The following FABP1 variants were observed in gnomAD, a reference collection of about 807,000 sequenced individuals.
FABP1 encodes the protein fatty acid binding protein 1, also known as fatty acid-binding protein, liver.
A neutral mutation model predicts 13.7 loss-of-function variants in FABP1; 13 were observed. The observed-to-expected ratio is 0.95, with a 90% CI of 0.62 to 1.51. The LOEUF (loss-of-function observed/expected upper bound fraction) is 1.51, where lower values mean the gene tolerates loss of function less well. FABP1 is among the 40% of genes most tolerant of loss of function. The pLI is 0.00. For missense variants in FABP1, 140 were observed against 155.7 expected (o/e 0.90, Z 0.54); for synonymous variants, 48 against 59.8 (o/e 0.80, Z 0.91).
At position 88,126,199 on chromosome 2, in the gene FABP1, T is replaced by A. The variant is rs1675293165; in HGVS notation, c.217A>T (p.Thr73Ser). The A allele has an allele frequency of 6.2e-7, 1 of 1,609,272 alleles. No homozygotes were observed. The highest frequency in any genetic ancestry group is 8.5e-7 in the Non-Finnish European group (1 of 1,176,254). Reference protein sequence around the residue: ...FTVGEECELETMTGEKVKTVV... With the variant: ...FTVGEECELESMTGEKVKTVV... ...ACCTTGACTTTCTCCCCTGTCATTG[T>A]CTCCAGCTCACATTCCTCCCCCACC... is the stretch of plus-strand genomic sequence containing the variant. The change falls in exon 2 of 4, where the codon ACA (threonine) becomes TCA (serine). Residue 73 changes from threonine to serine, a missense_variant. Physicochemically the swap from Thr to Ser is moderately conservative, Grantham distance 58 (BLOSUM62 1). Coordinates refer to ENST00000295834, the MANE Select transcript of FABP1 (RefSeq NM_001443.3).
At position 88,127,968 on chromosome 2, in the gene FABP1, G is replaced by A; in HGVS notation, c.50C>T (p.Ala17Val). ...YQLQSQENFE[A>V]FMKAIGLPEE... Reference sequence around the variant, plus strand: ...GCACTCACCGATTGCCTTCATGAAGGCTTCAAAGTTTTCCTGGCTCTGCAG... The same window carrying A: ...GCACTCACCGATTGCCTTCATGAAGACTTCAAAGTTTTCCTGGCTCTGCAG... Residue 17 changes from alanine to valine, a missense_variant, in exon 1 of 4, where the codon GCC (alanine) becomes GTC (valine). By Grantham distance (64) the Ala-to-Val change is moderately conservative. Coordinates refer to ENST00000295834, the MANE Select transcript of FABP1 (RefSeq NM_001443.3). The A allele has an allele frequency of 2.5e-6, 4 of 1,614,206 alleles. No homozygotes were observed. The highest frequency in any genetic ancestry group is 3.4e-6 in the Non-Finnish European group (4 of 1,180,038).
rs1477307340 is a variant in FABP1, at chr2:88,125,334, A to C, written c.241-748T>G. 2.0e-5 allele frequency among the ~76,000 whole-genome samples: 3 copies of C among 152,328 alleles called. No homozygotes were observed. The East Asian group carries it at 5.8e-4, about 29-fold the overall frequency. On this transcript the variant is annotated intron_variant, in intron 2 of 3. Transcript: ENST00000295834. ...TCCTCCTAAAATCATCCTGACCTGTAATGTTCTAATTGGAGAGGCAGAAAT... is the reference window on the plus strand; with the variant it reads ...TCCTCCTAAAATCATCCTGACCTGTCATGTTCTAATTGGAGAGGCAGAAAT...
Position 88,128,043 on chromosome 2 carries a change from G to T in FABP1, c.-26C>A. On this transcript the variant is annotated 5_prime_UTR_variant, in exon 1 of 4. Transcript: ENST00000295834. ...GGTGGCAATAGAGCTCCCTCTTCAC[G>T]ACTGACCTGCGGCTCTGCCGACCAG... is the stretch of plus-strand genomic sequence containing the variant. 1 of 1,611,538 alleles carries T rather than the reference G, an allele frequency of 6.2e-7. No homozygotes were observed. The highest frequency in any genetic ancestry group is 8.5e-7 in the Non-Finnish European group (1 of 1,177,710).
At chr2:88,127,765 G>A (rs1188213631) in intron 1 of FABP1, among the ~76,000 whole-genome samples, 186 bp downstream of exon 1, 3 of 152,134 alleles carry the variant, frequency 2.0e-5, no homozygotes, top group African/African-American at 4.8e-5. Context: ...CTTGCCTATG[G>A]GGTGGCCTTG....
intron 1 of FABP1, chr2:88,126,587 C>T (rs1026256729): frequency 6.9e-6 from 3 of 436,566 alleles, no homozygotes; most frequent in African/African-American, 3.9e-5. Context: ...AAAGGACACT[C>T]TTCTGGCCTG....
At chr2:88,126,506 G>A (rs28452712) in intron 1 of FABP1, 158 bp from the exon 2 acceptor site, 17,952 of 696,004 alleles carry the variant, frequency 0.026, 1,672 homozygotes, top group African/African-American at 0.23. Context: ...CAGCAGCATC[G>A]GCTGTGGCCT....
intron 3 of FABP1, chr2:88,123,376 T>C (rs78572065): frequency 2.2e-6 from 1 of 458,668 alleles, no homozygotes; most frequent in Non-Finnish European, 3.9e-6. Flanking sequence ...ATGACTGTTA[T>C]AGCAAGACCA....
chr2:88,127,886 A>G (rs748868551), intron 1 of FABP1, 65 bp downstream of exon 1: 5 of 1,517,540 alleles, frequency 3.3e-6, no homozygotes, highest in Non-Finnish European at 3.7e-6. Context: ...CTAAATAGCC[A>G]CTGCTGGTAG....
Position 88,123,027 on chromosome 2 carries a change from C to T in FABP1, c.*27G>A. 1 of 1,579,694 alleles carries T rather than the reference C, an allele frequency of 6.3e-7. No homozygotes were observed. Among genetic ancestry groups the T allele is most frequent in the Non-Finnish European group, 8.6e-7 (1 of 1,157,854 alleles). On this transcript the variant is annotated 3_prime_UTR_variant, in exon 4 of 4. Coordinates refer to ENST00000295834, the MANE Select transcript of FABP1 (RefSeq NM_001443.3). ...CACTTTATTACATTAATTTTACACA[C>T]TAAAATAATATGAAATGCAGACTTG...
intron 3 of FABP1, 62 bp from the exon 4 acceptor site, chr2:88,123,166 T>C: frequency 6.9e-7 from 1 of 1,442,228 alleles, no homozygotes; most frequent in Non-Finnish European, 9.5e-7. Flanking sequence ...AAAACAAAAT[T>C]AAGCATAAAA....
intron 1 of FABP1, chr2:88,126,595 C>CCTG: frequency 2.4e-6 from 1 of 410,212 alleles, no homozygotes; most frequent in Non-Finnish European, 4.5e-6. Context: ...CTCTTCTGGC[C>CCTG]TGAAGAACCG....
chr2:88,127,152 G>A (rs920682811), intron 1 of FABP1, among the ~76,000 whole-genome samples: 40 of 152,160 alleles, frequency 2.6e-4, no homozygotes, highest in African/African-American at 7.5e-4. Context: ...CCCTCTGCCT[G>A]GAGCATGCTC....
intron 1 of FABP1, among the ~76,000 whole-genome samples, chr2:88,127,236 C>A (rs750551491): frequency 6.6e-6 from 1 of 152,130 alleles, no homozygotes; most frequent in African/African-American, 2.4e-5. Context: ...ACTGAGCCAT[C>A]CCCCCATGCT....
intron 2 of FABP1, among the ~76,000 whole-genome samples, chr2:88,125,091 T>C (rs964126961): frequency 1.3e-5 from 2 of 151,916 alleles, no homozygotes; most frequent in African/African-American, 4.8e-5. Context: ...ATTGTAGGCA[T>C]GAGCCACCCG....
chr2:88,126,016 C>G (rs572253395), intron 2 of FABP1, 160 bp downstream of exon 2: 1 of 725,328 alleles, frequency 1.4e-6, no homozygotes, highest in East Asian at 2.5e-5. Context: ...CTATAAGATT[C>G]TTCCCTAAGA....
intron 1 of FABP1, chr2:88,126,714 A>T (rs1342236211): frequency 2.7e-5 from 5 of 183,528 alleles, no homozygotes; most frequent in African/African-American, 9.2e-5. Flanking sequence ...ACCCCTGGTG[A>T]CCAGAGAGTT....
chr2:88,127,884 C>T, intron 1 of FABP1, 67 bp downstream of exon 1: 1 of 1,494,590 alleles, frequency 6.7e-7, no homozygotes. Context: ...CCCTAAATAG[C>T]CACTGCTGGT....
chr2:88,123,191 T>G (rs1675235100), intron 3 of FABP1, 87 bp from the exon 4 acceptor site: 2 of 1,074,900 alleles, frequency 1.9e-6, no homozygotes, highest in Admixed American at 2.3e-5. Context: ...AAATTAAGCT[T>G]AAAAAACAGC....
rs750346031 is a variant in FABP1, at chr2:88,126,146, G to T, written c.240+30C>A. On this transcript the variant is annotated intron_variant, in intron 2 of 3. Coordinates refer to ENST00000295834, the MANE Select transcript of FABP1 (RefSeq NM_001443.3). ...GTCCCAGGGCCAGGTTCCAAGGAAAGTTCTGACAGCAGAAGGGATGCCCTC... is the reference window on the plus strand; with the variant it reads ...GTCCCAGGGCCAGGTTCCAAGGAAATTTCTGACAGCAGAAGGGATGCCCTC... The T allele has an allele frequency of 2.5e-6, 4 of 1,578,748 alleles. No homozygotes were observed. The East Asian group carries it at 6.8e-5, about 27-fold the overall frequency.
Sources: gnomAD v4.1 joint callset for allele counts (sites outside exome capture counted in the v4.1 genomes callset) on GRCh38, gnomAD v4.1.1 for gene constraint, MANE v1.5 for transcripts, NCBI Gene and HGNC (gene_info 2026-07-23, HGNC 2026-07-21) for gene names.